The following FGF9 variants were observed in gnomAD, a reference collection of about 807,000 sequenced individuals.
The protein encoded by FGF9 is fibroblast growth factor 9 (glia-activating factor).
Under a neutral mutation model 19.9 loss-of-function variants are expected in FGF9, and 3 were observed. The ratio of observed to expected loss-of-function variants is 0.15; its 90% CI spans 0.07 to 0.39. The LOEUF is 0.39. Among genes scored for constraint, FGF9 ranks in the 10% least tolerant of loss-of-function variants. The probability of loss-of-function intolerance (pLI) is 1.00; values close to 1 mark genes in which losing one functional copy is unlikely to be tolerated. For synonymous variants in FGF9, 107 were observed against 106.9 expected (o/e 1.00, Z -0.01); for missense variants, 175 against 256.8 (o/e 0.68, Z 2.18).
chr13:21,678,514 G>T (rs1031646909), intron 1 of FGF9, among the ~76,000 whole-genome samples: 1 of 152,132 alleles, frequency 6.6e-6, no homozygotes, highest in African/African-American at 2.4e-5. Context: ...AAATGCTCAA[G>T]AATTTTTACT....
Position 21,671,375 on chromosome 13 carries a change from A to AT in FGF9, c.-529dup, listed in dbSNP as rs888345532. 146 of 392,536 alleles carry AT rather than the reference A, an allele frequency of 3.7e-4. No homozygotes were observed. The highest frequency in any genetic ancestry group is 1.6e-3 in the South Asian group (11 of 6,930). The allele number at this position is 392,536 out of a possible 1,614,324, so 24.3% of individuals were successfully genotyped here. Reference sequence around the variant, plus strand: ...GATTTGTCGCCGCCACCAACGTGAGATTTTTTTTTCCCCTTGAAGGATTCA... The same window carrying AT: ...GATTTGTCGCCGCCACCAACGTGAGATTTTTTTTTTCCCCTTGAAGGATTCA... On this transcript the variant is annotated 5_prime_UTR_variant, in exon 1 of 3. Transcript: ENST00000382353.
At chr13:21,673,728 C>T (rs1398765722) in intron 1 of FGF9, among the ~76,000 whole-genome samples, 2 of 151,582 alleles carry the variant, frequency 1.3e-5, no homozygotes, top group Non-Finnish European at 3.0e-5. Context: ...TGTCCGGGGC[C>T]GCGGCGGCCA....
intron 1 of FGF9, among the ~76,000 whole-genome samples, chr13:21,673,740 C>A (rs1336067592): frequency 2.0e-5 from 3 of 151,386 alleles, no homozygotes; most frequent in African/African-American, 7.3e-5. Flanking sequence ...CGGCGGCCAC[C>A]CGCAGGGTGT....
intron 2 of FGF9, among the ~76,000 whole-genome samples, chr13:21,699,718 T>C (rs1295752778): frequency 3.9e-5 from 6 of 152,140 alleles, no homozygotes; most frequent in African/African-American, 1.4e-4. Flanking sequence ...TGTATTTTGG[T>C]GATGTATAAA....
rs1871801702 is a variant in FGF9, at chr13:21,672,877, A to G, written c.277+688A>G. The stretch of plus-strand genomic sequence containing the variant: ...ATAACCTCTGCTTTTAAATTTCCAT[A>G]GTGTGCAGCCCTGTGTAGGTCTCCT... On this transcript the variant is annotated intron_variant, in intron 1 of 2. Coordinates refer to ENST00000382353, the MANE Select transcript of FGF9 (RefSeq NM_002010.3). This position sits in a 1 kb window ranked among gnomAD's most constrained non-coding sequence, Gnocchi z 4.2. Among the ~76,000 whole-genome samples the G allele has an allele frequency of 6.6e-6, 1 of 152,184 alleles. No individual in the cohort carries two copies. The highest frequency in any genetic ancestry group is 2.1e-4 in the South Asian group (1 of 4,826).
intron 2 of FGF9, among the ~76,000 whole-genome samples, chr13:21,685,308 C>T (rs567539225): frequency 4.6e-5 from 7 of 152,068 alleles, no homozygotes; most frequent in African/African-American, 7.2e-5. Flanking sequence ...TCATTTAAAG[C>T]GTATTTTCCT....
In FGF9 at chr13:21,671,274, CT is replaced by C. The variant is rs1422800873; in HGVS notation, c.-636del. 1 of 292,640 alleles carries C rather than the reference CT, an allele frequency of 3.4e-6. No individual in the cohort carries two copies. Among genetic ancestry groups the C allele is most frequent in the Non-Finnish European group, 6.2e-6 (1 of 160,472 alleles). The allele number at this position is 292,640 out of a possible 1,614,324, so 18.1% of individuals were successfully genotyped here. A position where few individuals can be genotyped will look rare whatever the true frequency, so the allele number is the denominator to read the frequency against. Reference sequence around the variant, plus strand: ...GCCTCTGGAGAATCCTGGATACTAGCTTTGGACGCCTAAAGTTTCTTCTTCT... The same window carrying C: ...GCCTCTGGAGAATCCTGGATACTAGCTTGGACGCCTAAAGTTTCTTCTTCT... On this transcript the variant is annotated 5_prime_UTR_variant, in exon 1 of 3. An upstream open reading frame in the 5' UTR loses its in-frame stop. Transcript: ENST00000382353.
At chr13:21,698,342 A>G (rs2138147712) in intron 2 of FGF9, among the ~76,000 whole-genome samples, 1 of 152,328 alleles carries the variant, frequency 6.6e-6, no homozygotes, top group Non-Finnish European at 1.5e-5. Flanking sequence ...AGGTTTATTC[A>G]GGTTCTAAGA....
In FGF9 at chr13:21,671,801, C is replaced by A; in HGVS notation, c.-112C>A. 1 of 1,211,386 alleles carries A rather than the reference C, an allele frequency of 8.3e-7. No individual in the cohort carries two copies. Among genetic ancestry groups the A allele is most frequent in the Non-Finnish European group, 1.2e-6 (1 of 828,460 alleles). The allele number at this position is 1,211,386 out of a possible 1,614,324, so 75.0% of individuals were successfully genotyped here. A position where few individuals can be genotyped will look rare whatever the true frequency, so the allele number is the denominator to read the frequency against. On this transcript the variant is annotated 5_prime_UTR_variant, in exon 1 of 3. Transcript: ENST00000382353. ...GAAGAAAAGAACCTTTTTTTTCTCT[C>A]TCTCTCTGCAACTGCAGTAAGGGAG...
chr13:21,698,135 TAGTGAAA>T (rs1206215998), intron 2 of FGF9, among the ~76,000 whole-genome samples: 2 of 152,120 alleles, frequency 1.3e-5, no homozygotes, highest in African/African-American at 4.8e-5. Flanking sequence ...TTACTATGCT[TAGTGAAA>T]AGTGAAAAGT....
chr13:21,688,494 C>G (rs1872211808), intron 2 of FGF9, among the ~76,000 whole-genome samples: 1 of 152,150 alleles, frequency 6.6e-6, no homozygotes, highest in Non-Finnish European at 1.5e-5. Context: ...CATACATCGT[C>G]CTGGTTTTAG....
At chr13:21,673,015 G>A (rs1157070232) in intron 1 of FGF9, among the ~76,000 whole-genome samples, 1 of 152,214 alleles carries the variant, frequency 6.6e-6, no homozygotes, top group African/African-American at 2.4e-5. Context: ...TCAGCACTGA[G>A]GGCTGCAGAC....
At chr13:21,695,933 A>G (rs1351240666) in intron 2 of FGF9, among the ~76,000 whole-genome samples, 1 of 152,248 alleles carries the variant, frequency 6.6e-6, no homozygotes, top group East Asian at 1.9e-4. Context: ...CATGTGGACA[A>G]AACGACACCA....
rs1321671731 is a variant in FGF9 at position 21,704,295 on chromosome 13, G to A, written c.*2860G>A. 2 of 152,202 alleles carry A rather than the reference G, an allele frequency of 1.3e-5. No homozygotes were observed. Among genetic ancestry groups the A allele is most frequent in the Non-Finnish European group, 1.5e-5 (1 of 68,052 alleles). The allele number at this position is 152,202 out of a possible 1,614,324, so 9.4% of individuals were successfully genotyped here. ...GTGAATGTCCCCAAGCAGTGGTGAA[G>A]GACATGCTAGGTCAGTGTTGGGGAA... On this transcript the variant is annotated 3_prime_UTR_variant, in exon 3 of 3. Coordinates refer to ENST00000382353, the MANE Select transcript of FGF9 (RefSeq NM_002010.3).
intron 2 of FGF9, among the ~76,000 whole-genome samples, chr13:21,686,091 G>A (rs980144130): frequency 6.6e-6 from 1 of 152,196 alleles, no homozygotes; most frequent in African/African-American, 2.4e-5. Context: ...GTCTTACTCT[G>A]TCACCCAGGC....
chr13:21,697,681 G>A (rs1872439879), intron 2 of FGF9, among the ~76,000 whole-genome samples: 1 of 152,068 alleles, frequency 6.6e-6, no homozygotes, highest in Non-Finnish European at 1.5e-5. Context: ...TTCATTCTTA[G>A]ATAGTGATAC....
At position 21,703,284 on chromosome 13, in the gene FGF9, T is replaced by A. The variant is rs978514563; in HGVS notation, c.*1849T>A. On this transcript the variant is annotated 3_prime_UTR_variant, in exon 3 of 3. Transcript: ENST00000382353. ...ATGAAAAATAAAAGTGTGTCACTGG[T>A]GAGTGACAGCTGTTATGAGCTAGAA... 6.6e-6 allele frequency: 1 copy of A among 152,234 alleles called. No homozygotes were observed. The highest frequency in any genetic ancestry group is 1.5e-5 in the Non-Finnish European group (1 of 68,044). 9.4% of individuals were successfully genotyped at this position (152,234 alleles called of 1,614,324 possible).
chr13:21,680,220 A>G (rs1451897749), intron 1 of FGF9, among the ~76,000 whole-genome samples: 1 of 152,210 alleles, frequency 6.6e-6, no homozygotes, highest in Admixed American at 6.5e-5. Flanking sequence ...TCTTCAGAAT[A>G]TTATTATTTT....
intron 2 of FGF9, among the ~76,000 whole-genome samples, chr13:21,697,964 C>T (rs1026682107): frequency 2.6e-5 from 4 of 152,090 alleles, no homozygotes; most frequent in Non-Finnish European, 5.9e-5. Flanking sequence ...CCCACCACCT[C>T]GCCTGGCTAA....
Sources: allele counts gnomAD v4.1 joint callset (sites outside exome capture counted in the v4.1 genomes callset), GRCh38; gene constraint gnomAD v4.1.1; non-coding constraint Gnocchi (gnomAD v3.1); transcripts MANE v1.5; gene names NCBI Gene and HGNC (gene_info 2026-07-23, HGNC 2026-07-21).